ZDHHC1: variants seen among roughly 807,000 people sequenced by gnomAD.
ZDHHC1 encodes zDHHC palmitoyltransferase 1.
A neutral mutation model predicts 46.9 loss-of-function variants in ZDHHC1; 45 were observed. The ratio of observed to expected loss-of-function variants is 0.96; its 90% CI spans 0.76 to 1.23. The LOEUF (loss-of-function observed/expected upper bound fraction) is 1.23. ZDHHC1 is among the 50% of genes most tolerant of loss of function. The pLI, the probability that ZDHHC1 is intolerant of heterozygous loss-of-function variation, is 0.00. For missense variants in ZDHHC1, 649 were observed against 670.8 expected (o/e 0.97, Z 0.36); for synonymous variants, 291 against 286.0 (o/e 1.02, Z -0.18).
At position 67,397,399 on chromosome 16, in the gene ZDHHC1, A is replaced by C. The variant is rs556152118; in HGVS notation, c.927+813T>G. ...GTGTAACAGTGGAGTCGCCACCCACAGCCAGCATGCCCCAGGCCCAGGCCT... is the reference window on the plus strand; with the variant it reads ...GTGTAACAGTGGAGTCGCCACCCACCGCCAGCATGCCCCAGGCCCAGGCCT... On this transcript the variant is annotated intron_variant, in intron 8 of 11. Transcript: ENST00000565726. Among the ~76,000 whole-genome samples, 5 of 152,334 alleles carry C rather than the reference A, an allele frequency of 3.3e-5. No individual in the cohort carries two copies. The East Asian group carries it at 7.7e-4, about 24-fold the overall frequency.
chr16:67,399,016 G>A (rs1386159848), intron 5 of ZDHHC1, 72 bp from the exon 6 acceptor site: 41 of 1,561,036 alleles, frequency 2.6e-5, no homozygotes, highest in East Asian at 4.7e-5. Flanking sequence ...AGTTGGGGCT[G>A]TAGGGTCATT....
chr16:67,394,725 C>CT lies in ZDHHC1; in HGVS notation c.1333_1334insA (p.Arg445GlnfsTer54). The CT allele has an allele frequency of 7.2e-7, 1 of 1,382,168 alleles. No individual in the cohort carries two copies. The highest frequency in any genetic ancestry group is 1.6e-5 in the South Asian group (1 of 62,068). 85.6% of individuals were successfully genotyped at this position (1,382,168 alleles called of 1,614,324 possible). A position where few individuals can be genotyped will look rare whatever the true frequency, so the allele number is the denominator to read the frequency against. On this transcript the variant is annotated frameshift_variant, in exon 12 of 12. Coordinates refer to ENST00000565726, the MANE Select transcript of ZDHHC1 (RefSeq NM_001323627.2). LOFTEE classifies it low-confidence loss of function (END_TRUNC). ...CAGCGTGGGCTGTCGGCCCCGGCCC[C>CT]GCGGGGCGGCCAGAGCGGCGCTGCC...
Position 67,395,679 on chromosome 16 carries a change from C to T in ZDHHC1, c.928-113G>A, listed in dbSNP as rs548707093. On this transcript the variant is annotated intron_variant, in intron 8 of 11. Transcript: ENST00000565726. Reference sequence around the variant, plus strand: ...TTGGCCTCTGTGGGATATCTCAGGCCTCATGCCAGGCTCCCAGCCATGCTG... The same window carrying T: ...TTGGCCTCTGTGGGATATCTCAGGCTTCATGCCAGGCTCCCAGCCATGCTG... The T allele has an allele frequency of 3.5e-5, 36 of 1,043,422 alleles. No homozygotes were observed. In the South Asian group the frequency reaches 4.5e-4, roughly 13 times the overall value. The allele number at this position is 1,043,422 out of a possible 1,614,324, so 64.6% of individuals were successfully genotyped here.
chr16:67,398,055 T>A (rs1028371962), intron 8 of ZDHHC1, among the ~76,000 whole-genome samples, 157 bp downstream of exon 8: 2 of 152,130 alleles, frequency 1.3e-5, no homozygotes, highest in Non-Finnish European at 2.9e-5. Flanking sequence ...TGCCCACGCT[T>A]GGGCGAGCAG....
intron 3 of ZDHHC1, among the ~76,000 whole-genome samples, chr16:67,405,777 A>C (rs1442104334): frequency 6.6e-6 from 1 of 152,246 alleles, no homozygotes; most frequent in East Asian, 1.9e-4. Context: ...GCACCAGGAC[A>C]CTTATTATGT....
rs2040369392 is a variant in ZDHHC1, at chr16:67,394,225, C to CT, written c.*384dup. 6.6e-6 allele frequency among the ~76,000 whole-genome samples: 1 copy of CT among 152,238 alleles called. No homozygotes were observed. Among genetic ancestry groups the CT allele is most frequent in the Admixed American group, 6.5e-5 (1 of 15,288 alleles). ...CTCGGCCTCCCAGTGCAAAGCCCAT[C>CT]TTTAAGAAAAATAACCTCCTCCAGG... On this transcript the variant is annotated 3_prime_UTR_variant, in exon 12 of 12. Coordinates refer to ENST00000565726, the MANE Select transcript of ZDHHC1 (RefSeq NM_001323627.2).
In ZDHHC1 at chr16:67,401,268, A is replaced by G. The variant is rs2040549120; in HGVS notation, c.253-136T>C. ...TCTGCCTCTGCCACCTCCTACCTCCAGTCCCCCAAAGCCTCCTCATCAGAC... is the reference window on the plus strand; with the variant it reads ...TCTGCCTCTGCCACCTCCTACCTCCGGTCCCCCAAAGCCTCCTCATCAGAC... On this transcript the variant is annotated intron_variant, in intron 3 of 11. Transcript: ENST00000565726. The surrounding 1 kb of genome is among the most constrained non-coding windows in gnomAD (Gnocchi z 4.6). 8.2e-7 allele frequency: 1 copy of G among 1,219,608 alleles called. No homozygotes were observed. The highest frequency in any genetic ancestry group is 1.1e-6 in the Non-Finnish European group (1 of 890,140). The allele number at this position is 1,219,608 out of a possible 1,614,324, so 75.5% of individuals were successfully genotyped here.
At chr16:67,396,874 GGA>G (rs1267366218) in intron 8 of ZDHHC1, among the ~76,000 whole-genome samples, 14 of 152,218 alleles carry the variant, frequency 9.2e-5, no homozygotes, top group Non-Finnish European at 1.8e-4. Context: ...CAGCAGTAGA[GGA>G]GGTCTCAGAA....
intron 2 of ZDHHC1, among the ~76,000 whole-genome samples, chr16:67,407,440 G>A (rs182779483): frequency 3.0e-3 from 451 of 152,296 alleles, no homozygotes; most frequent in Non-Finnish European, 4.7e-3. Flanking sequence ...CATGAGACAG[G>A]GAACCTAAGC....
chr16:67,399,155 G>C (rs1390231905), intron 5 of ZDHHC1, among the ~76,000 whole-genome samples, 200 bp downstream of exon 5: 2 of 152,188 alleles, frequency 1.3e-5, no homozygotes, highest in Non-Finnish European at 2.9e-5. Context: ...CAGCTTGGTG[G>C]AAGATTCCAG....
At chr16:67,407,983 C>G (rs969829629) in intron 1 of ZDHHC1, among the ~76,000 whole-genome samples, 170 bp from the exon 2 acceptor site, 1 of 152,146 alleles carries the variant, frequency 6.6e-6, no homozygotes, top group Non-Finnish European at 1.5e-5. Context: ...TGGCTACCAC[C>G]CTGACTGCCA....
chr16:67,415,618 G>A (rs142207529), intron 1 of ZDHHC1, among the ~76,000 whole-genome samples: 2,042 of 152,242 alleles, frequency 0.013, 15 homozygotes, highest in Middle Eastern at 0.024. Context: ...TTAGCCGGGC[G>A]TGGCGGCGGG....
At chr16:67,414,989 T>C (rs1011961915) in intron 1 of ZDHHC1, among the ~76,000 whole-genome samples, 1 of 151,910 alleles carries the variant, frequency 6.6e-6, no homozygotes, top group Non-Finnish European at 1.5e-5. Flanking sequence ...ATACAAAAAT[T>C]AGCTGGGTGT....
At position 67,416,378 on chromosome 16, in the gene ZDHHC1, T is replaced by TGGCTCCGGCTCCGGCTCC. The variant is rs57605287; in HGVS notation, c.-264_-247dup. Reference sequence around the variant, plus strand: ...CCGGTGAGTCCTCGAGCTCTGGCTCTGGCTCCGGCTCCGGCTCCGGCTCCG... The same window carrying TGGCTCCGGCTCCGGCTCC: ...CCGGTGAGTCCTCGAGCTCTGGCTCTGGCTCCGGCTCCGGCTCCGGCTCCGGCTCCGGCTCCGGCTCCG... On this transcript the variant is annotated 5_prime_UTR_variant, in exon 1 of 12. Transcript: ENST00000565726. 1,157 of 202,848 alleles carry TGGCTCCGGCTCCGGCTCC rather than the reference T, an allele frequency of 5.7e-3. 20 individuals are homozygous for TGGCTCCGGCTCCGGCTCC. The highest frequency in any genetic ancestry group is 8.2e-3 in the African/African-American group (338 of 41,362). The allele number at this position is 202,848 out of a possible 1,614,324, so 12.6% of individuals were successfully genotyped here. A position where few individuals can be genotyped will look rare whatever the true frequency, so the allele number is the denominator to read the frequency against.
chr16:67,398,221 C>T lies in ZDHHC1; in HGVS notation c.918G>A (p.Arg306=), dbSNP rs1344494111. ...RELESCPPKM[R]PIQEMEFYMR... is the part of the protein sequence containing the mutation. ...CCTTCATCCTCTATACCTGAATGGGCCGCATCTTGGGAGGACATGACTCGA... is the reference window on the plus strand; with the variant it reads ...CCTTCATCCTCTATACCTGAATGGGTCGCATCTTGGGAGGACATGACTCGA... Residue 306 remains arginine, a synonymous_variant, in exon 8 of 12, where the codon CGG becomes CGA. Transcript: ENST00000565726. The T allele has an allele frequency of 1.2e-6, 2 of 1,613,606 alleles. No homozygotes were observed. Among genetic ancestry groups the T allele is most frequent in the East Asian group, 4.5e-5 (2 of 44,898 alleles).
intron 4 of ZDHHC1, 68 bp from the exon 5 acceptor site, chr16:67,399,524 GT>G: frequency 7.3e-7 from 1 of 1,363,890 alleles, no homozygotes; most frequent in Non-Finnish European, 1.0e-6. Context: ...GCCGGTCGGG[GT>G]GGTTGAGTGG....
intron 3 of ZDHHC1, among the ~76,000 whole-genome samples, chr16:67,403,231 G>C (rs1466852733): frequency 6.6e-6 from 1 of 152,136 alleles, no homozygotes; most frequent in African/African-American, 2.4e-5. Flanking sequence ...GGGTCTGTGT[G>C]GCCAATTTCT....
chr16:67,401,087 C>A lies in ZDHHC1; in HGVS notation c.298G>T (p.Ala100Ser), dbSNP rs199651286. Residue 100 changes from alanine to serine, a missense_variant, in exon 4 of 12, where the codon GCC (alanine) becomes TCC (serine). Coordinates refer to ENST00000565726, the MANE Select transcript of ZDHHC1 (RefSeq NM_001323627.2). This position sits in a 1 kb window ranked among gnomAD's most constrained non-coding sequence, Gnocchi z 4.6. ...FAGHLVVHLT[A>S]VSIDPADANV... ...GCATCTGCTGGATCGATGGAGACGGCGGTCAGGTGCACCACAAGGTGGCCA... is the reference window on the plus strand; with the variant it reads ...GCATCTGCTGGATCGATGGAGACGGAGGTCAGGTGCACCACAAGGTGGCCA... 1 of 1,614,072 alleles carries A rather than the reference C, an allele frequency of 6.2e-7. No homozygotes were observed. Among genetic ancestry groups the A allele is most frequent in the East Asian group, 2.2e-5 (1 of 44,890 alleles).
chr16:67,412,094 C>G (rs552413804), intron 1 of ZDHHC1, among the ~76,000 whole-genome samples: 1 of 151,560 alleles, frequency 6.6e-6, no homozygotes, highest in East Asian at 1.9e-4. Context: ...GCCTGGGCAA[C>G]AGGCGAGACT....
Sources: allele counts gnomAD v4.1 joint callset (sites outside exome capture counted in the v4.1 genomes callset), GRCh38; gene constraint gnomAD v4.1.1; non-coding constraint Gnocchi (gnomAD v3.1); transcripts MANE v1.5; gene names NCBI Gene and HGNC (gene_info 2026-07-23, HGNC 2026-07-21).